The following SLAIN2 variants were observed in gnomAD, a reference collection of about 807,000 sequenced individuals.
SLAIN2 encodes SLAIN motif-containing protein 2.
SLAIN2 carries 31 observed loss-of-function variants against 56.6 expected under a neutral mutation model. The ratio of observed to expected loss-of-function variants is 0.55; its 90% confidence interval spans 0.41 to 0.74. SLAIN2 has a LOEUF of 0.74. Ranked by LOEUF, SLAIN2 falls within the 30% of genes least tolerant of loss-of-function variation. The pLI is 0.00. For synonymous variants in SLAIN2, 317 were observed against 284.9 expected, an observed-to-expected ratio of 1.11 and a Z score of -1.13; for missense variants, 777 against 754.2, an observed-to-expected ratio of 1.03 and a Z score of -0.35.
At chr4:48,344,511 A>C (rs112901084) in intron 1 of SLAIN2, among the ~76,000 whole-genome samples, 3,177 of 152,258 alleles carry the variant, frequency 0.021, 118 homozygotes, top group African/African-American at 0.073. Flanking sequence ...TAAATGTGGG[A>C]AAAACTGGGT....
intron 1 of SLAIN2, among the ~76,000 whole-genome samples, chr4:48,350,301 TA>T (rs1714976879): frequency 6.6e-6 from 1 of 152,210 alleles, no homozygotes; most frequent in Non-Finnish European, 1.5e-5. Flanking sequence ...CTGGTGCTGA[TA>T]CCCTGGTAGC....
At chr4:48,392,184 T>G (rs1716251310) in intron 6 of SLAIN2, among the ~76,000 whole-genome samples, 1 of 152,222 alleles carries the variant, frequency 6.6e-6, no homozygotes, top group South Asian at 2.1e-4. Context: ...ATTATATGAC[T>G]GTGGTATTTT....
chr4:48,416,775 G>A (rs1201564094), intron 6 of SLAIN2, among the ~76,000 whole-genome samples: 1 of 141,412 alleles, frequency 7.1e-6, no homozygotes, highest in African/African-American at 2.7e-5. Context: ...ACGAAATGAA[G>A]GCAGAAATAA....
chr4:48,405,180 G>A (rs546188716), intron 6 of SLAIN2, among the ~76,000 whole-genome samples: 7 of 152,110 alleles, frequency 4.6e-5, no homozygotes, highest in Admixed American at 2.0e-4. Context: ...TACGGCAAAC[G>A]CCCTTACCAT....
intron 6 of SLAIN2, among the ~76,000 whole-genome samples, chr4:48,408,530 CA>C (rs3072283): frequency 0.034 from 3,721 of 108,984 alleles, 142 homozygotes; most frequent in African/African-American, 0.13. Flanking sequence ...CCGTTTTTAG[CA>C]AAAAAAAAAA....
intron 1 of SLAIN2, among the ~76,000 whole-genome samples, chr4:48,359,678 A>G (rs1230528280): frequency 1.3e-5 from 2 of 152,212 alleles, no homozygotes; most frequent in South Asian, 2.1e-4. Flanking sequence ...GTACATTTCC[A>G]TATTACTGAA....
At chr4:48,354,116 A>T (rs750963354) in intron 1 of SLAIN2, among the ~76,000 whole-genome samples, 9 of 152,148 alleles carry the variant, frequency 5.9e-5, no homozygotes, top group Non-Finnish European at 1.3e-4. Flanking sequence ...ATGGCAAAAC[A>T]GCAACAAAAA....
intron 1 of SLAIN2, among the ~76,000 whole-genome samples, chr4:48,343,433 TATG>T (rs760896905): frequency 1.6e-4 from 25 of 152,340 alleles, no homozygotes; most frequent in Non-Finnish European, 2.5e-4. Context: ...ACAGTTCTTA[TATG>T]ATGTTGTAGG....
At chr4:48,366,920 G>A (rs190454631) in intron 1 of SLAIN2, among the ~76,000 whole-genome samples, 1 of 152,104 alleles carries the variant, frequency 6.6e-6, no homozygotes, top group East Asian at 1.9e-4. Flanking sequence ...TGTCCCTCTT[G>A]ATTAAATCAT....
chr4:48,358,728 A>T (rs1210372343), intron 1 of SLAIN2, among the ~76,000 whole-genome samples: 2 of 148,272 alleles, frequency 1.3e-5, no homozygotes, highest in African/African-American at 2.5e-5. Context: ...ATTTATTTTT[A>T]TTTTTTTTTG....
chr4:48,372,556 C>G (rs1715697620), intron 2 of SLAIN2, among the ~76,000 whole-genome samples: 1 of 152,174 alleles, frequency 6.6e-6, no homozygotes, highest in Non-Finnish European at 1.5e-5. Context: ...GAATTATTAG[C>G]AATTGGTGAC....
Position 48,425,338 on chromosome 4 carries a change from A to G in SLAIN2, c.*3261A>G, listed in dbSNP as rs1271421221. On this transcript the variant is annotated 3_prime_UTR_variant, in exon 8 of 8. Coordinates refer to ENST00000264313, the MANE Select transcript of SLAIN2 (RefSeq NM_020846.2). ...GCTAGCATTTGCCTAGATCATAACT[A>G]TGTATGGTATCTAGTTAGAAAAAAA... The G allele has an allele frequency of 3.3e-5, 5 of 152,146 alleles. No homozygotes were observed. The highest frequency in any genetic ancestry group is 1.2e-4 in the African/African-American group (5 of 41,460). The allele number at this position is 152,146 out of a possible 1,614,324, so 9.4% of individuals were successfully genotyped here.
intron 6 of SLAIN2, among the ~76,000 whole-genome samples, chr4:48,399,677 T>G (rs535346558): frequency 6.6e-6 from 1 of 152,254 alleles, no homozygotes; most frequent in East Asian, 1.9e-4. Flanking sequence ...AGGTATTTCC[T>G]TCAATACATA....
chr4:48,350,405 T>C (rs1714980218), intron 1 of SLAIN2, among the ~76,000 whole-genome samples: 1 of 152,246 alleles, frequency 6.6e-6, no homozygotes, highest in African/African-American at 2.4e-5. Flanking sequence ...TATAAATTCA[T>C]GTAATTTTGA....
chr4:48,366,759 G>C (rs1322806377), intron 1 of SLAIN2, among the ~76,000 whole-genome samples: 1 of 152,196 alleles, frequency 6.6e-6, no homozygotes, highest in Non-Finnish European at 1.5e-5. Context: ...GTTGGAGGCT[G>C]AGCTCCCCAT....
chr4:48,354,212 G>A (rs1715091478), intron 1 of SLAIN2, among the ~76,000 whole-genome samples: 1 of 152,108 alleles, frequency 6.6e-6, no homozygotes, highest in Admixed American at 6.5e-5. Context: ...AGAGTTGATA[G>A]AATAACAAAA....
At chr4:48,363,470 G>T (rs1715392281) in intron 1 of SLAIN2, among the ~76,000 whole-genome samples, 1 of 65,292 alleles carries the variant, frequency 1.5e-5, no homozygotes, top group African/African-American at 4.9e-5. Flanking sequence ...CTCCCGGACG[G>T]GGCGGCTGGC....
At chr4:48,352,129 G>A (rs1290218734) in intron 1 of SLAIN2, among the ~76,000 whole-genome samples, 1 of 152,162 alleles carries the variant, frequency 6.6e-6, no homozygotes, top group Non-Finnish European at 1.5e-5. Flanking sequence ...TAACAAAATG[G>A]CATTTTGGAG....
chr4:48,392,012 A>G (rs1028324502), intron 6 of SLAIN2, among the ~76,000 whole-genome samples: 5 of 152,246 alleles, frequency 3.3e-5, no homozygotes, highest in African/African-American at 9.6e-5. Flanking sequence ...GTTTTAAACC[A>G]TAAATATTTT....
Sources: allele counts gnomAD v4.1 joint callset (sites outside exome capture counted in the v4.1 genomes callset), GRCh38; gene constraint gnomAD v4.1.1; transcripts MANE v1.5; gene names NCBI Gene and HGNC (gene_info 2026-07-23, HGNC 2026-07-21).